Variants in KLRG1 observed in about 807,000 individuals in gnomAD.
KLRG1 encodes killer cell lectin-like receptor subfamily G member 1.
In KLRG1, 16 loss-of-function variants were observed where a neutral mutation model predicts 21.8. The observed-to-expected ratio is 0.73, with a 90% CI of 0.50 to 1.11. KLRG1 has a LOEUF of 1.11. KLRG1 is among the 50% of genes most tolerant of loss of function. KLRG1 has a pLI of 0.00. For synonymous variants in KLRG1, 69 were observed against 75.9 expected, an observed-to-expected ratio of 0.91 and a Z score of 0.47; for missense variants, 173 against 218.3, an observed-to-expected ratio of 0.79 and a Z score of 1.31.
chr12:8,970,481 TA>T (rs1377254020), intron 1 of KLRG1: 1 of 152,270 alleles, frequency 6.6e-6, no homozygotes, highest in Non-Finnish European at 1.5e-5. Context: ...AATTTATGGT[TA>T]AAGTTTTCCC....
chr12:9,116,040 GC>G, the KLRG1 span: 1 of 626,152 alleles, frequency 1.6e-6, no homozygotes, highest in Non-Finnish European at 3.0e-6. Flanking sequence ...GTCATTGATG[GC>G]CTATTTATAG....
At chr12:9,098,036 T>C in the KLRG1 span, among the ~76,000 whole-genome samples, 1 of 152,232 alleles carries the variant, frequency 6.6e-6, no homozygotes, top group Non-Finnish European at 1.5e-5. Flanking sequence ...TGAAACTAGT[T>C]TGACAACTCC....
chr12:9,127,468 T>C, the KLRG1 span, among the ~76,000 whole-genome samples: 6 of 152,184 alleles, frequency 3.9e-5, no homozygotes, highest in Admixed American at 3.3e-4. Flanking sequence ...GCAATTAAAA[T>C]TTCCGATTCC....
the KLRG1 span, chr12:9,079,305 G>A: frequency 6.2e-7 from 1 of 1,613,712 alleles, no homozygotes; most frequent in Admixed American, 1.7e-5. Context: ...CCATCATAGT[G>A]TTTGTAGTTC....
the KLRG1 span, chr12:9,157,174 C>T: frequency 6.2e-7 from 1 of 1,612,430 alleles, no homozygotes; most frequent in Non-Finnish European, 8.5e-7. Context: ...AGTGCTCTCA[C>T]CTTCTTTCAC....
the KLRG1 span, chr12:9,052,752 GAACTTCTCCA>G: frequency 2.4e-6 from 1 of 421,072 alleles, no homozygotes; most frequent in South Asian, 1.8e-5. Flanking sequence ...GAAAGTTTCT[GAACTTCTCCA>G]AACTTCTGTT....
chr12:9,064,866 C>A, the KLRG1 span: 2 of 152,696 alleles, frequency 1.3e-5, no homozygotes, highest in Non-Finnish European at 2.9e-5. The surrounding 1 kb of genome is among the most constrained non-coding windows in gnomAD (Gnocchi z 4.0). Context: ...TCCGACAGCG[C>A]CGCATTCCTG....
At chr12:9,145,244 CT>C in the KLRG1 span, among the ~76,000 whole-genome samples, 1 of 152,022 alleles carries the variant, frequency 6.6e-6, no homozygotes, top group Non-Finnish European at 1.5e-5. Context: ...ATTATTTTGT[CT>C]GTCTTTTCCT....
chr12:9,089,370 G>T, the KLRG1 span: 2 of 763,350 alleles, frequency 2.6e-6, no homozygotes, highest in Non-Finnish European at 4.4e-6. Flanking sequence ...TATTATCTAA[G>T]AAAATTCTGT....
the KLRG1 span, among the ~76,000 whole-genome samples, chr12:9,031,897 G>T: frequency 6.6e-6 from 1 of 152,178 alleles, no homozygotes; most frequent in African/African-American, 2.4e-5. Context: ...TAAACTTGGT[G>T]GCTAAAGCCA....
At chr12:9,177,665 A>C in the KLRG1 span, among the ~76,000 whole-genome samples, 1 of 152,194 alleles carries the variant, frequency 6.6e-6, no homozygotes, top group Non-Finnish European at 1.5e-5. Flanking sequence ...TGGGTGAACT[A>C]ATGATTTCTA....
the KLRG1 span, among the ~76,000 whole-genome samples, chr12:9,136,616 T>G: frequency 1.3e-5 from 2 of 152,188 alleles, no homozygotes; most frequent in Non-Finnish European, 2.9e-5. Context: ...CATGTTTCCA[T>G]AGCAGTTGCA....
chr12:8,974,353 G>C (rs1946622232), intron 1 of KLRG1, among the ~76,000 whole-genome samples: 1 of 151,984 alleles, frequency 6.6e-6, no homozygotes, highest in South Asian at 2.1e-4. Flanking sequence ...ATTTTTAGTA[G>C]AGACGGGGTT....
chr12:9,110,042 G>A, the KLRG1 span: 5 of 1,599,708 alleles, frequency 3.1e-6, no homozygotes, highest in African/African-American at 1.4e-5. Flanking sequence ...GATCCTATAT[G>A]AGTAAATTAA....
At chr12:9,178,987 C>T in the KLRG1 span, among the ~76,000 whole-genome samples, 1 of 152,160 alleles carries the variant, frequency 6.6e-6, no homozygotes, top group African/African-American at 2.4e-5. Context: ...TACCAACCAA[C>T]ATTGAAAGGT....
At chr12:9,186,241 C>T in the KLRG1 span, among the ~76,000 whole-genome samples, 1 of 152,160 alleles carries the variant, frequency 6.6e-6, no homozygotes, top group Non-Finnish European at 1.5e-5. Flanking sequence ...ATCCAACTTG[C>T]AAGAGCTCCA....
the KLRG1 span, among the ~76,000 whole-genome samples, chr12:9,212,981 G>A: frequency 9.9e-5 from 15 of 152,014 alleles, no homozygotes; most frequent in East Asian, 3.9e-4. Flanking sequence ...ATACTAATTC[G>A]TGCATTCTCT....
At chr12:9,165,942 G>T in the KLRG1 span, 2 of 1,328,690 alleles carry the variant, frequency 1.5e-6, no homozygotes, top group Non-Finnish European at 2.1e-6. Flanking sequence ...AAGAGGAAGA[G>T]GTTAAGATAA....
chr12:9,099,440 T>C, the KLRG1 span: 1 of 1,600,326 alleles, frequency 6.2e-7, no homozygotes, highest in Non-Finnish European at 8.5e-7. Flanking sequence ...ACGTCCCCGG[T>C]AGGTAAAACA....
Sources: allele counts gnomAD v4.1 joint callset (sites outside exome capture counted in the v4.1 genomes callset), GRCh38; gene constraint gnomAD v4.1.1; non-coding constraint Gnocchi (gnomAD v3.1); transcripts MANE v1.5; gene names NCBI Gene and HGNC (gene_info 2026-07-23, HGNC 2026-07-21).